The following MEX3C variants were observed in gnomAD, a reference collection of about 807,000 sequenced individuals.
The protein encoded by MEX3C is mex-3 RNA binding family member C, also known as RNA-binding E3 ubiquitin-protein ligase MEX3C.
A neutral mutation model predicts 35.5 loss-of-function variants in MEX3C; 15 were observed. The ratio of observed to expected loss-of-function variants is 0.42; its 90% CI spans 0.28 to 0.65. The LOEUF is 0.65. Among genes scored for constraint, MEX3C ranks in the 30% least tolerant of loss-of-function variants. The pLI is 0.20. For missense variants in MEX3C, 711 were observed against 842.8 expected, an observed-to-expected ratio of 0.84 and a Z score of 1.94; for synonymous variants, 390 against 352.8, an observed-to-expected ratio of 1.11 and a Z score of -1.18.
At chr18:51,196,472 C>G in intron 1 of MEX3C, 95 bp downstream of exon 1, 1 of 1,480,846 alleles carries the variant, frequency 6.8e-7, no homozygotes, top group East Asian at 2.5e-5. Flanking sequence ...GGGGGCCTCG[C>G]CGGGTTCGCC....
intron 1 of MEX3C, among the ~76,000 whole-genome samples, chr18:51,182,800 G>A (rs1912458786): frequency 6.6e-6 from 1 of 152,138 alleles, no homozygotes; most frequent in Non-Finnish European, 1.5e-5. Flanking sequence ...TTCAAACCAT[G>A]GGTTGCAGTA....
intron 1 of MEX3C, among the ~76,000 whole-genome samples, chr18:51,187,462 G>A (rs1272046424): frequency 1.3e-5 from 2 of 152,086 alleles, no homozygotes; most frequent in African/African-American, 2.4e-5. Context: ...TACTTCCTTC[G>A]TTTGTTTTTT....
rs543697536 is a variant in MEX3C, at chr18:51,188,176, A to G, written c.754+8391T>C. Among the ~76,000 whole-genome samples, 4 of 152,316 alleles carry G rather than the reference A, an allele frequency of 2.6e-5. No individual in the cohort carries two copies. In the South Asian group the frequency reaches 8.3e-4, roughly 32 times the overall value. On this transcript the variant is annotated intron_variant, in intron 1 of 1. Coordinates refer to ENST00000406189, the MANE Select transcript of MEX3C (RefSeq NM_016626.5). The stretch of plus-strand genomic sequence containing the variant: ...TAGGGATTACTATGACAATACTTCA[A>G]ACACCTTCATTTATGTGATTTTAGT...
chr18:51,193,633 G>A (rs1333164953), intron 1 of MEX3C: 1 of 152,160 alleles, frequency 6.6e-6, no homozygotes, highest in East Asian at 1.9e-4. Flanking sequence ...ATATCAACAA[G>A]CCTCTTCAGT....
intron 1 of MEX3C, among the ~76,000 whole-genome samples, chr18:51,181,791 A>G (rs1433740737): frequency 6.6e-6 from 1 of 152,218 alleles, no homozygotes; most frequent in African/African-American, 2.4e-5. Context: ...TTTTCACTGT[A>G]TATTCTTATT....
Position 51,197,234 on chromosome 18 carries a change from CGGTGGCGGCGGCGGCGGCGGG to C in MEX3C, c.66_86del (p.Pro25_Pro31del), listed in dbSNP as rs1912832747. 1 of 987,702 alleles carries C rather than the reference CGGTGGCGGCGGCGGCGGCGGG, an allele frequency of 1.0e-6. No homozygotes were observed. Among genetic ancestry groups the C allele is most frequent in the South Asian group, 4.5e-5 (1 of 22,094 alleles). 61.2% of individuals were successfully genotyped at this position (987,702 alleles called of 1,614,324 possible). On this transcript the variant is annotated inframe_deletion, in exon 1 of 2. Coordinates refer to ENST00000406189, the MANE Select transcript of MEX3C (RefSeq NM_016626.5). Reference sequence around the variant, plus strand: ...CGCCCGAGGGCGGCGGCAGAGGCGGCGGTGGCGGCGGCGGCGGCGGGGGCGGCTGCGGCAGGGGGGCCGGGG... The same window carrying C: ...CGCCCGAGGGCGGCGGCAGAGGCGGCGGCGGCTGCGGCAGGGGGGCCGGGG...
chr18:51,182,735 G>A (rs963575204), intron 1 of MEX3C, among the ~76,000 whole-genome samples: 3 of 152,246 alleles, frequency 2.0e-5, no homozygotes, highest in East Asian at 1.9e-4. Flanking sequence ...GTCCTCTGCC[G>A]CTGGGAAAGG....
rs1912318455 is a variant in MEX3C at position 51,176,915 on chromosome 18, T to C, written c.1416A>G (p.Pro472=). The C allele has an allele frequency of 6.2e-7, 1 of 1,613,898 alleles. No individual in the cohort carries two copies. Among genetic ancestry groups the C allele is most frequent in the African/African-American group, 1.3e-5 (1 of 74,914 alleles). Residue 472 remains proline (P), a synonymous_variant, in exon 2 of 2, where the codon CCA becomes CCG. Coordinates refer to ENST00000406189, the MANE Select transcript of MEX3C (RefSeq NM_016626.5). The stretch of plus-strand genomic sequence containing the variant: ...CAAACCAGAAGTTTCCTGTGCTAAA[T>C]GGGCTTGTTGGACTAAAGTCAGCCA... ...NRLADFSPTS[P]FSTGNFWFGD...
intron 1 of MEX3C, among the ~76,000 whole-genome samples, chr18:51,180,189 G>C (rs1912393952): frequency 6.6e-6 from 1 of 152,156 alleles, no homozygotes; most frequent in Non-Finnish European, 1.5e-5. Context: ...GCAACTGTCA[G>C]TCACACCCTT....
At chr18:51,183,982 CAG>C (rs1912481960) in intron 1 of MEX3C, among the ~76,000 whole-genome samples, 1 of 152,082 alleles carries the variant, frequency 6.6e-6, no homozygotes, top group Non-Finnish European at 1.5e-5. Flanking sequence ...GCCTGGGCAA[CAG>C]AGTGAGACCC....
At chr18:51,180,392 T>TG (rs1555693425) in intron 1 of MEX3C, among the ~76,000 whole-genome samples, 1 of 152,124 alleles carries the variant, frequency 6.6e-6, no homozygotes, top group Non-Finnish European at 1.5e-5. Context: ...AAGACAGGCC[T>TG]GGTCTACACC....
At chr18:51,194,285 G>A (rs1249416169) in intron 1 of MEX3C, 1 of 152,198 alleles carries the variant, frequency 6.6e-6, no homozygotes, top group African/African-American at 2.4e-5. Flanking sequence ...CTGCTTTTAA[G>A]ATAGAGGATG....
chr18:51,178,264 A>G (rs1186781892), intron 1 of MEX3C, among the ~76,000 whole-genome samples: 2 of 152,198 alleles, frequency 1.3e-5, no homozygotes, highest in Non-Finnish European at 2.9e-5. Context: ...TGATTGACAG[A>G]CACAATTTCA....
chr18:51,177,377 T>A lies in MEX3C; in HGVS notation c.954A>T (p.Ser318=), dbSNP rs748287536. 5.0e-6 allele frequency: 8 copies of A among 1,613,890 alleles called. No homozygotes were observed. The highest frequency in any genetic ancestry group is 6.8e-6 in the Non-Finnish European group (8 of 1,179,892). Residue 318 remains serine, a synonymous_variant, in exon 2 of 2, where the codon TCA becomes TCT. Transcript: ENST00000406189. This position sits in a 1 kb window ranked among gnomAD's most constrained non-coding sequence, Gnocchi z 4.2. ...NKNGPALGGL[S]CSPNLPGQTT... ...TTTGACCGGGCAGATTAGGACTACA[T>A]GATAATCCTCCCAGGGCAGGCCCAT...
At position 51,196,912 on chromosome 18, in the gene MEX3C, C is replaced by CCTCCTCCTCTGCTTCCTCCAG; in HGVS notation, c.388_408dup (p.Leu130_Glu136dup). On this transcript the variant is annotated inframe_insertion, in exon 1 of 2. Coordinates refer to ENST00000406189, the MANE Select transcript of MEX3C (RefSeq NM_016626.5). ...GACAGCAGCAGCAGCGACGACCGGTCCTCCTCCTCTGCTTCCTCCAGCTCC... is the reference window on the plus strand; with the variant it reads ...GACAGCAGCAGCAGCGACGACCGGTCCTCCTCCTCTGCTTCCTCCAGCTCCTCCTCTGCTTCCTCCAGCTCC... 1.1e-5 allele frequency: 17 copies of CCTCCTCCTCTGCTTCCTCCAG among 1,543,356 alleles called. No individual in the cohort carries two copies. The highest frequency in any genetic ancestry group is 1.4e-5 in the Non-Finnish European group (16 of 1,146,020).
In MEX3C at chr18:51,177,620, A is replaced by C; in HGVS notation, c.755-44T>G. 6.5e-7 allele frequency: 1 copy of C among 1,529,996 alleles called. No individual in the cohort carries two copies. Among genetic ancestry groups the C allele is most frequent in the Non-Finnish European group, 8.8e-7 (1 of 1,140,626 alleles). The allele number at this position is 1,529,996 out of a possible 1,614,324, so 94.8% of individuals were successfully genotyped here. On this transcript the variant is annotated intron_variant, in intron 1 of 1. Transcript: ENST00000406189. The surrounding 1 kb of genome is among the most constrained non-coding windows in gnomAD (Gnocchi z 4.2). ...TTCATAAGAATCAACATCTACTTCA[A>C]TGATATATATAAAGACAAATCACAG...
At position 51,197,558 on chromosome 18, in the gene MEX3C, G is replaced by A. The variant is rs1912851697; in HGVS notation, c.-238C>T. On this transcript the variant is annotated 5_prime_UTR_variant, in exon 1 of 2. Coordinates refer to ENST00000406189, the MANE Select transcript of MEX3C (RefSeq NM_016626.5). ...GGTAACTAGGTGGGTGGGTGGGGAC[G>A]GCGGCGGGGCGGGCTGGTGGAGGTG... Among the ~76,000 whole-genome samples, 2 of 149,744 alleles carry A rather than the reference G, an allele frequency of 1.3e-5. No homozygotes were observed. The highest frequency in any genetic ancestry group is 3.0e-5 in the Non-Finnish European group (2 of 67,000).
Position 51,177,119 on chromosome 18 carries a change from C to G in MEX3C, c.1212G>C (p.Glu404Asp). The G allele has an allele frequency of 6.2e-7, 1 of 1,613,332 alleles. No individual in the cohort carries two copies. Among genetic ancestry groups the G allele is most frequent in the East Asian group, 2.2e-5 (1 of 44,866 alleles). ...RTGNYIELNE[E>D]NDFHYNGTDV... Reference sequence around the variant, plus strand: ...CGGTACCATTGTAATGGAAATCATTCTCTTCATTGAGCTCTATATAGTTTC... The same window carrying G: ...CGGTACCATTGTAATGGAAATCATTGTCTTCATTGAGCTCTATATAGTTTC... The change falls in exon 2 of 2, where the codon GAG (glutamate) becomes GAC (aspartate). Residue 404 changes from glutamate to aspartate, a missense_variant. Coordinates refer to ENST00000406189, the MANE Select transcript of MEX3C (RefSeq NM_016626.5). This position sits in a 1 kb window ranked among gnomAD's most constrained non-coding sequence, Gnocchi z 4.2.
chr18:51,178,000 C>T lies in MEX3C; in HGVS notation c.755-424G>A, dbSNP rs1407206114. 6.6e-6 allele frequency among the ~76,000 whole-genome samples: 1 copy of T among 152,096 alleles called. No individual in the cohort carries two copies. Among genetic ancestry groups the T allele is most frequent in the Non-Finnish European group, 1.5e-5 (1 of 68,028 alleles). The stretch of plus-strand genomic sequence containing the variant: ...CCATGTTGTTTGTGGTAGGTGTACT[C>T]ACGCTAGTAACTAAATTATCTAAAT... On this transcript the variant is annotated intron_variant, in intron 1 of 1. Transcript: ENST00000406189. The surrounding 1 kb of genome is among the most constrained non-coding windows in gnomAD (Gnocchi z 4.2).
Sources: allele counts gnomAD v4.1 joint callset (sites outside exome capture counted in the v4.1 genomes callset), GRCh38; gene constraint gnomAD v4.1.1; non-coding constraint Gnocchi (gnomAD v3.1); transcripts MANE v1.5; gene names NCBI Gene and HGNC (gene_info 2026-07-23, HGNC 2026-07-21).